RPL35: variants seen among roughly 807,000 people sequenced by gnomAD.
The protein encoded by RPL35 is ribosomal protein L35.
A neutral mutation model predicts 15.6 loss-of-function variants in RPL35; 2 were observed. The observed-to-expected ratio is 0.13, with a 90% CI of 0.05 to 0.40. RPL35 has a LOEUF of 0.40. Ranked by LOEUF, RPL35 falls within the 10% of genes least tolerant of loss-of-function variation. The pLI is 0.99. For missense variants in RPL35, 111 were observed against 164.7 expected (o/e 0.67, Z 1.79); for synonymous variants, 93 against 67.9 (o/e 1.37, Z -1.82).
rs763318102 is a variant in RPL35 at position 124,860,165 on chromosome 9, A to C, written c.222+18T>G. The C allele has an allele frequency of 6.3e-6, 10 of 1,596,996 alleles. No homozygotes were observed. The highest frequency in any genetic ancestry group is 7.7e-6 in the Non-Finnish European group (9 of 1,164,556). On this transcript the variant is annotated intron_variant, in intron 3 of 3. Coordinates refer to ENST00000348462, the MANE Select transcript of RPL35 (RefSeq NM_007209.4). ...TGGCTTCCTGCAGCCAACCCTCCCTATGTCCAGGCAGACTCACCTTGTAGA... is the reference window on the plus strand; with the variant it reads ...TGGCTTCCTGCAGCCAACCCTCCCTCTGTCCAGGCAGACTCACCTTGTAGA...
intron 3 of RPL35, 53 bp downstream of exon 3, chr9:124,860,130 G>A (rs1829174288): frequency 1.4e-5 from 19 of 1,337,124 alleles, no homozygotes; most frequent in South Asian, 2.3e-5. Context: ...GGCCAGGGAC[G>A]GCTAGCACTT....
chr9:124,858,021 G>A lies in RPL35; in HGVS notation c.269C>T (p.Ala90Val). ...PLDLRPKKTR[A>V]MRRRLNKHEE... ...GTGCTTGTTGAGCCGGCGGCGCATG[G>A]CACGTGTCTTCTTAGGCCGCAGGTC... Residue 90 changes from alanine to valine, a missense_variant, in exon 4 of 4, where the codon GCC (alanine) becomes GTC (valine). By Grantham distance (64) the Ala-to-Val change is moderately conservative (BLOSUM62 0). Coordinates refer to ENST00000348462, the MANE Select transcript of RPL35 (RefSeq NM_007209.4). 6.2e-7 allele frequency: 1 copy of A among 1,612,450 alleles called. No homozygotes were observed. Among genetic ancestry groups the A allele is most frequent in the Non-Finnish European group, 8.5e-7 (1 of 1,180,020 alleles).
intron 3 of RPL35, 101 bp from the exon 4 acceptor site, chr9:124,858,168 A>C: frequency 8.1e-7 from 1 of 1,229,372 alleles, no homozygotes; most frequent in Non-Finnish European, 1.1e-6. Flanking sequence ...ACTCAGGAGG[A>C]GGCTGCCACC....
Position 124,857,946 on chromosome 9 carries a change from G to C in RPL35, c.344C>G (p.Pro115Arg), listed in dbSNP as rs200698441. 6.2e-6 allele frequency: 10 copies of C among 1,612,258 alleles called. No individual in the cohort carries two copies. The highest frequency in any genetic ancestry group is 8.5e-6 in the Non-Finnish European group (10 of 1,180,040). ...GGCCTTGACCGCGTACTTCCGCAGC[G>C]GGTACAGCCGCTCCTTCCGCTGCTG... ...KKQQRKERLYPLRKYAVKA is the reference protein window; with the variant it reads ...KKQQRKERLYRLRKYAVKA The change falls in exon 4 of 4, where the codon CCG (proline) becomes CGG (arginine). Residue 115 changes from proline (P) to arginine (R), a missense_variant. Physicochemically the swap from Pro to Arg is moderately radical, Grantham distance 103. Transcript: ENST00000348462.
At chr9:124,861,767 C>T (rs1829201888) in intron 1 of RPL35, 143 bp downstream of exon 1, 1 of 1,346,826 alleles carries the variant, frequency 7.4e-7, no homozygotes, top group Non-Finnish European at 1.0e-6. Flanking sequence ...AGCGAAGAGG[C>T]GGGTTGTGGT....
chr9:124,861,099 G>A (rs1026842842), intron 2 of RPL35: 2 of 303,994 alleles, frequency 6.6e-6, no homozygotes, highest in Non-Finnish European at 1.2e-5. Flanking sequence ...AATAACTTAC[G>A]CTGCCACTCC....
At chr9:124,859,710 C>T (rs1336830097) in intron 3 of RPL35, among the ~76,000 whole-genome samples, 5 of 152,206 alleles carry the variant, frequency 3.3e-5, no homozygotes, top group Non-Finnish European at 7.3e-5. Flanking sequence ...CACCTGTGCA[C>T]ACCTCCCAGA....
At position 124,861,427 on chromosome 9, in the gene RPL35, G is replaced by A; in HGVS notation, c.132C>T (p.Leu44=). Residue 44 remains leucine (L), a synonymous_variant, in exon 2 of 4, where the codon CTC becomes CTT. Coordinates refer to ENST00000348462, the MANE Select transcript of RPL35 (RefSeq NM_007209.4). ...CCGGCCGCCTCACTTACATCTTAGA[G>A]AGCTTGGAGGCCGCACCGCCTGTCA... ...AKVTGGAASK[L]SKIRVVRKSI... is the part of the protein sequence containing the mutation. The A allele has an allele frequency of 6.2e-7, 1 of 1,612,960 alleles. No individual in the cohort carries two copies. Among genetic ancestry groups the A allele is most frequent in the Non-Finnish European group, 8.5e-7 (1 of 1,179,764 alleles).
At chr9:124,859,108 A>G (rs902222790) in intron 3 of RPL35, among the ~76,000 whole-genome samples, 1 of 152,220 alleles carries the variant, frequency 6.6e-6, no homozygotes, top group African/African-American at 2.4e-5. Flanking sequence ...AGCTGCTGAC[A>G]TTAAAGGTTT....
chr9:124,860,105 CTT>C, intron 3 of RPL35, 76 bp downstream of exon 3: 1 of 1,101,962 alleles, frequency 9.1e-7, no homozygotes, highest in Non-Finnish European at 1.4e-6. Flanking sequence ...AGAAAAACCT[CTT>C]TACCATGTCC....
chr9:124,861,689 G>T, intron 1 of RPL35, 134 bp from the exon 2 acceptor site: 1 of 1,394,952 alleles, frequency 7.2e-7, no homozygotes, highest in Non-Finnish European at 9.7e-7. Flanking sequence ...GCTCAGGACA[G>T]TCTCCCTCGC....
Position 124,858,013 on chromosome 9 carries a change from G to T in RPL35, c.277C>A (p.Arg93Ser). ...LRPKKTRAMR[R>S]RLNKHEENLK... ...TTCTCCTCGTGCTTGTTGAGCCGGC[G>T]GCGCATGGCACGTGTCTTCTTAGGC... The change falls in exon 4 of 4, where the codon CGC becomes AGC. Residue 93 changes from arginine to serine, a missense_variant. Physicochemically the swap from Arg to Ser is moderately radical, Grantham distance 110. Coordinates refer to ENST00000348462, the MANE Select transcript of RPL35 (RefSeq NM_007209.4). 6.2e-7 allele frequency: 1 copy of T among 1,612,348 alleles called. No homozygotes were observed. The highest frequency in any genetic ancestry group is 8.5e-7 in the Non-Finnish European group (1 of 1,180,032).
At chr9:124,858,222 C>T in intron 3 of RPL35, 155 bp from the exon 4 acceptor site, 1 of 680,796 alleles carries the variant, frequency 1.5e-6, no homozygotes, top group Non-Finnish European at 2.5e-6. Context: ...CTCAATTAAT[C>T]CCCCCAAATC....
intron 3 of RPL35, among the ~76,000 whole-genome samples, chr9:124,859,159 C>T (rs1255751699): frequency 1.3e-5 from 2 of 152,234 alleles, no homozygotes; most frequent in African/African-American, 4.8e-5. Flanking sequence ...GAACAGCTAA[C>T]ATAGCCACAC....
chr9:124,861,291 G>A, intron 2 of RPL35, 128 bp downstream of exon 2: 1 of 1,209,392 alleles, frequency 8.3e-7, no homozygotes, highest in Non-Finnish European at 1.2e-6. Context: ...GGTCTCCCAT[G>A]CGCGCCAGGA....
At chr9:124,858,125 AGCT>A (rs1829135235) in intron 3 of RPL35, 58 bp from the exon 4 acceptor site, 8 of 1,574,100 alleles carry the variant, frequency 5.1e-6, no homozygotes, top group Admixed American at 3.6e-5. Flanking sequence ...CTACTGCAGC[AGCT>A]AAGGGGGCTG....
chr9:124,859,600 C>T (rs1209890119), intron 3 of RPL35, among the ~76,000 whole-genome samples: 1 of 152,068 alleles, frequency 6.6e-6, no homozygotes, highest in African/African-American at 2.4e-5. Context: ...GTGCACACAC[C>T]GTCTCCCCCT....
rs965836126 is a variant in RPL35, at chr9:124,861,750, G to T, written c.3+160C>A. On this transcript the variant is annotated intron_variant, in intron 1 of 3. Coordinates refer to ENST00000348462, the MANE Select transcript of RPL35 (RefSeq NM_007209.4). ...CAGGCCCGGGCCGCGCGCCTCTCCC[G>T]GCGCCAAGCGAAGAGGCGGGTTGTG... 10 of 1,329,556 alleles carry T rather than the reference G, an allele frequency of 7.5e-6. No individual in the cohort carries two copies. In the East Asian group the frequency reaches 2.6e-4, roughly 34 times the overall value. 82.4% of individuals were successfully genotyped at this position (1,329,556 alleles called of 1,614,324 possible). A position where few individuals can be genotyped will look rare whatever the true frequency, so the allele number is the denominator to read the frequency against.
At chr9:124,860,773 T>C (rs1008596276) in intron 2 of RPL35, among the ~76,000 whole-genome samples, 3 of 152,120 alleles carry the variant, frequency 2.0e-5, no homozygotes, top group African/African-American at 7.2e-5. Flanking sequence ...GGATTCAGTG[T>C]GCAACTGTGC....
Sources: allele counts gnomAD v4.1 joint callset (sites outside exome capture counted in the v4.1 genomes callset), GRCh38; gene constraint gnomAD v4.1.1; transcripts MANE v1.5; gene names NCBI Gene and HGNC (gene_info 2026-07-23, HGNC 2026-07-21).